The following SACM1L variants were observed in gnomAD, a reference collection of about 807,000 sequenced individuals.
The protein encoded by SACM1L is phosphatidylinositol-3-phosphatase SAC1.
Under a neutral mutation model 89.5 loss-of-function variants are expected in SACM1L, and 32 were observed. The ratio of observed to expected loss-of-function variants is 0.36; its 90% CI spans 0.27 to 0.48. The LOEUF (loss-of-function observed/expected upper bound fraction) is 0.48. Among genes scored for constraint, SACM1L ranks in the 20% least tolerant of loss-of-function variants. SACM1L has a pLI of 0.99. For missense variants in SACM1L, 543 were observed against 708.5 expected (o/e 0.77, Z 2.65); for synonymous variants, 213 against 232.8 (o/e 0.92, Z 0.77).
Position 45,738,846 on chromosome 3 carries a change from T to C in SACM1L, c.1542T>C (p.Ser514=), listed in dbSNP as rs535116213. The change falls in exon 18 of 20, where the codon AGT becomes AGC. Residue 514 remains serine (S), a synonymous_variant. Coordinates refer to ENST00000389061, the MANE Select transcript of SACM1L (RefSeq NM_014016.5). ...VDELESHSPL[S]VPRDWKFLAL... is the part of the protein sequence containing the mutation. ...AATTAGAATCTCATAGTCCTTTAAGTGTTCCAAGGGACTGGAAATTCCTGG... is the reference window on the plus strand; with the variant it reads ...AATTAGAATCTCATAGTCCTTTAAGCGTTCCAAGGGACTGGAAATTCCTGG... The C allele has an allele frequency of 2.0e-4, 320 of 1,609,666 alleles. No homozygotes were observed. Among genetic ancestry groups the C allele is most frequent in the Non-Finnish European group, 2.6e-4 (310 of 1,176,536 alleles).
intron 1 of SACM1L, among the ~76,000 whole-genome samples, chr3:45,698,459 C>T (rs1260466066): frequency 6.6e-6 from 1 of 152,246 alleles, no homozygotes; most frequent in African/African-American, 2.4e-5. Context: ...AACAGCATCT[C>T]TCAGAGAGAG....
At chr3:45,725,879 A>G (rs1215902077) in intron 11 of SACM1L, among the ~76,000 whole-genome samples, 1 of 151,878 alleles carries the variant, frequency 6.6e-6, no homozygotes, top group Admixed American at 6.5e-5. Context: ...TTCTTTTTCT[A>G]AGTTATCCAG....
chr3:45,744,828 A>T lies in SACM1L; in HGVS notation c.*1159A>T, dbSNP rs570769508. 4.5e-5 allele frequency: 6 copies of T among 132,220 alleles called. No individual in the cohort carries two copies. In the East Asian group the frequency reaches 1.2e-3, roughly 27 times the overall value. The allele number at this position is 132,220 out of a possible 1,614,324, so 8.2% of individuals were successfully genotyped here. On this transcript the variant is annotated 3_prime_UTR_variant, in exon 20 of 20. Coordinates refer to ENST00000389061, the MANE Select transcript of SACM1L (RefSeq NM_014016.5). Reference sequence around the variant, plus strand: ...TAAATATTAGAACGGTATGTAAGGTAGTATAATTACCACTATTTTAAATAA... The same window carrying T: ...TAAATATTAGAACGGTATGTAAGGTTGTATAATTACCACTATTTTAAATAA...
At chr3:45,736,779 G>A (rs552864977) in intron 14 of SACM1L, among the ~76,000 whole-genome samples, 1 of 152,172 alleles carries the variant, frequency 6.6e-6, no homozygotes, top group Non-Finnish European at 1.5e-5. Context: ...TGCAGAGAGT[G>A]GGGGCAGGAG....
intron 5 of SACM1L, among the ~76,000 whole-genome samples, chr3:45,710,496 C>G (rs1291667725): frequency 1.7e-4 from 18 of 104,036 alleles, no homozygotes; most frequent in African/African-American, 6.2e-4. Flanking sequence ...CCTGCCCAGT[C>G]TGCCTTTTTT....
chr3:45,723,154 A>G (rs951583813), intron 10 of SACM1L, among the ~76,000 whole-genome samples, 199 bp downstream of exon 10: 13 of 152,184 alleles, frequency 8.5e-5, no homozygotes, highest in South Asian at 6.2e-4. Context: ...AAAACAAACT[A>G]TGATTGAATG....
At chr3:45,704,090 A>G (rs1039453913) in intron 2 of SACM1L, among the ~76,000 whole-genome samples, 3 of 152,216 alleles carry the variant, frequency 2.0e-5, no homozygotes, top group African/African-American at 7.2e-5. Flanking sequence ...TGTGAAAAAC[A>G]AACTTTTTTT....
intron 7 of SACM1L, among the ~76,000 whole-genome samples, chr3:45,717,562 ATATT>A (rs1312534712): frequency 6.6e-6 from 1 of 152,248 alleles, no homozygotes; most frequent in Non-Finnish European, 1.5e-5. Context: ...AGGTTCACAA[ATATT>A]TATTTTATTA....
chr3:45,728,273 A>G (rs1698970943), intron 11 of SACM1L, among the ~76,000 whole-genome samples: 1 of 152,118 alleles, frequency 6.6e-6, no homozygotes, highest in Non-Finnish European at 1.5e-5. Flanking sequence ...GAGTTAATCC[A>G]TTTGCATTTA....
rs754447001 is a variant in SACM1L at position 45,703,529 on chromosome 3, C to G, written c.124C>G (p.Leu42Val). 3 of 1,605,948 alleles carry G rather than the reference C, an allele frequency of 1.9e-6. No individual in the cohort carries two copies. Reference sequence around the variant, plus strand: ...TGACCGTGTGTCCACAGAGGTTACCCTTGCAGGTATTTTACAGCCAGATTT... The same window carrying G: ...TGACCGTGTGTCCACAGAGGTTACCGTTGCAGGTATTTTACAGCCAGATTT... ...TIDRVSTEVT[L>V]AVKKDVPPSA... The change falls in exon 2 of 20, where the codon CTT (leucine) becomes GTT (valine). Residue 42 changes from leucine (L) to valine (V), a missense_variant. Leu to Val is a conservative substitution (Grantham distance 32, BLOSUM62 1). Around this residue, in one of 2 missense-constraint regions of SACM1L, gnomAD observed 173 missense variants for 180.9 expected, o/e 0.96. Transcript: ENST00000389061.
chr3:45,705,304 G>A (rs1024959687), intron 3 of SACM1L, 95 bp downstream of exon 3: 1 of 687,626 alleles, frequency 1.5e-6, no homozygotes, highest in Non-Finnish European at 2.5e-6. Context: ...GTAATACTTT[G>A]TATCATGCTT....
intron 11 of SACM1L, 53 bp from the exon 12 acceptor site, chr3:45,731,248 C>T: frequency 8.5e-7 from 1 of 1,175,944 alleles, no homozygotes; most frequent in Non-Finnish European, 1.2e-6. Flanking sequence ...TTTCTGATAC[C>T]ATTCTCTCCT....
chr3:45,741,560 C>T (rs1258283316), intron 19 of SACM1L, among the ~76,000 whole-genome samples: 1 of 152,162 alleles, frequency 6.6e-6, no homozygotes, highest in East Asian at 1.9e-4. Context: ...CTCACTCCAC[C>T]ACCACCACTA....
chr3:45,698,252 T>C (rs1014052430), intron 1 of SACM1L, among the ~76,000 whole-genome samples: 6 of 152,162 alleles, frequency 3.9e-5, no homozygotes, highest in African/African-American at 1.4e-4. Flanking sequence ...TATATGTAGG[T>C]GCCGTGAGTT....
chr3:45,737,509 G>T, intron 14 of SACM1L, 74 bp from the exon 15 acceptor site: 4 of 1,410,178 alleles, frequency 2.8e-6, no homozygotes, highest in Non-Finnish European at 3.9e-6. Context: ...AAAATTTGGG[G>T]ACTGCTTTTT....
Position 45,709,425 on chromosome 3 carries a change from A to G in SACM1L, c.334-73A>G, listed in dbSNP as rs1698471579. ...AATGAGACTGGACTTAACAGGATTTAATTTGTATTCTTTTCTCATGCTGGC... is the reference window on the plus strand; with the variant it reads ...AATGAGACTGGACTTAACAGGATTTGATTTGTATTCTTTTCTCATGCTGGC... On this transcript the variant is annotated intron_variant, in intron 4 of 19. Coordinates refer to ENST00000389061, the MANE Select transcript of SACM1L (RefSeq NM_014016.5). 3 of 1,345,874 alleles carry G rather than the reference A, an allele frequency of 2.2e-6. No individual in the cohort carries two copies. The Admixed American group carries it at 6.2e-5, about 28-fold the overall frequency. The allele number at this position is 1,345,874 out of a possible 1,614,324, so 83.4% of individuals were successfully genotyped here.
rs1439964200 is a variant in SACM1L, at chr3:45,732,095, A to G, written c.1044A>G (p.Arg348=). 10 of 1,605,624 alleles carry G rather than the reference A, an allele frequency of 6.2e-6. No individual in the cohort carries two copies. Among genetic ancestry groups the G allele is most frequent in the Non-Finnish European group, 8.5e-6 (10 of 1,177,256 alleles). ...FDFHKECKNM[R]WDRLSILLDQ... is the part of the protein sequence containing the mutation. The stretch of plus-strand genomic sequence containing the variant: ...TCCATAAGGAATGTAAAAATATGAG[A>G]TGGGATCGACTAAGTATTTTATTGG... The change falls in exon 13 of 20, where the codon AGA becomes AGG. Residue 348 remains arginine, a synonymous_variant. Coordinates refer to ENST00000389061, the MANE Select transcript of SACM1L (RefSeq NM_014016.5).
At chr3:45,723,439 G>A (rs771238917) in intron 10 of SACM1L, 36 bp from the exon 11 acceptor site, 1 of 880,282 alleles carries the variant, frequency 1.1e-6, no homozygotes, top group East Asian at 3.0e-5. Context: ...ATTACATAAT[G>A]TACTCCAGTA....
At position 45,703,446 on chromosome 3, in the gene SACM1L, C is replaced by T; in HGVS notation, c.41C>T (p.Thr14Ile). Residue 14 changes from threonine to isoleucine, a missense_variant, in exon 2 of 20, where the codon ACA becomes ATA. Physicochemically the swap from Thr to Ile is moderately conservative, Grantham distance 89. This residue lies in a region of SACM1L where 173 missense variants were observed against 180.9 expected (regional missense o/e 0.96). Coordinates refer to ENST00000389061, the MANE Select transcript of SACM1L (RefSeq NM_014016.5). The part of the protein sequence containing the change: ...AAYEQLKLHI[T>I]PEKFYVEACD... Reference sequence around the variant, plus strand: ...TTTACATTTCTTCTTAGGCATATCACACCTGAAAAATTTTATGTGGAAGCT... The same window carrying T: ...TTTACATTTCTTCTTAGGCATATCATACCTGAAAAATTTTATGTGGAAGCT... 6.2e-7 allele frequency: 1 copy of T among 1,610,818 alleles called. No individual in the cohort carries two copies. The highest frequency in any genetic ancestry group is 8.5e-7 in the Non-Finnish European group (1 of 1,177,330).
Sources: allele counts gnomAD v4.1 joint callset (sites outside exome capture counted in the v4.1 genomes callset), GRCh38; gene constraint gnomAD v4.1.1; regional missense constraint gnomAD v4.1.1; transcripts MANE v1.5; gene names NCBI Gene and HGNC (gene_info 2026-07-23, HGNC 2026-07-21).